The following VAV2 variants were observed in gnomAD, a reference collection of about 807,000 sequenced individuals.
VAV2 encodes vav guanine nucleotide exchange factor 2.
A neutral mutation model predicts 132.5 loss-of-function variants in VAV2; 67 were observed. The observed-to-expected ratio is 0.51, with a 90% CI of 0.42 to 0.62. The LOEUF (loss-of-function observed/expected upper bound fraction) is 0.62, where lower values mean the gene tolerates loss of function less well. Among genes scored for constraint, VAV2 ranks in the 20% least tolerant of loss-of-function variants. The pLI, the probability that VAV2 is intolerant of heterozygous loss-of-function variation, is 0.00. For missense variants in VAV2, 938 were observed against 1,153.6 expected (o/e 0.81, Z 2.71); for synonymous variants, 492 against 443.5 (o/e 1.11, Z -1.37).
intron 1 of VAV2, among the ~76,000 whole-genome samples, chr9:133,960,426 C>T (rs73556564): frequency 0.019 from 2,940 of 152,294 alleles, 92 homozygotes; most frequent in African/African-American, 0.061. Context: ...TGGAGCCTCA[C>T]TCCCTGCAGG....
intron 4 of VAV2, among the ~76,000 whole-genome samples, chr9:133,819,448 CAA>C (rs532943477): frequency 2.9e-5 from 4 of 136,370 alleles, no homozygotes; most frequent in East Asian, 2.1e-4. Flanking sequence ...GGCTCCGTCT[CAA>C]AAAAAAAAAA....
At chr9:133,916,227 T>C (rs561017310) in intron 2 of VAV2, among the ~76,000 whole-genome samples, 1 of 152,164 alleles carries the variant, frequency 6.6e-6, no homozygotes. Context: ...CAAGGCTCCA[T>C]GGAGGAGGCG....
chr9:133,982,621 C>T (rs1842733777), intron 1 of VAV2, among the ~76,000 whole-genome samples: 1 of 152,178 alleles, frequency 6.6e-6, no homozygotes, highest in South Asian at 2.1e-4. Context: ...TTTTGGAGGG[C>T]TGGCCGCTGT....
intron 1 of VAV2, among the ~76,000 whole-genome samples, chr9:133,942,890 G>A (rs754222246): frequency 6.6e-6 from 1 of 152,220 alleles, no homozygotes; most frequent in African/African-American, 2.4e-5. Flanking sequence ...GGGACTGCAC[G>A]GACGGGGATG....
At chr9:133,937,095 CTG>C (rs1408470402) in intron 2 of VAV2, among the ~76,000 whole-genome samples, 2 of 152,218 alleles carry the variant, frequency 1.3e-5, no homozygotes, top group Non-Finnish European at 2.9e-5. Flanking sequence ...TGCATTTTAA[CTG>C]TTGGCCAAGA....
intron 29 of VAV2, among the ~76,000 whole-genome samples, chr9:133,766,612 A>G (rs1456998383): frequency 3.3e-5 from 5 of 150,382 alleles, no homozygotes; most frequent in Non-Finnish European, 7.4e-5. Flanking sequence ...ATCACACTGG[A>G]GGGGGAGGGG....
intron 2 of VAV2, among the ~76,000 whole-genome samples, chr9:133,867,004 T>G (rs1837831125): frequency 6.6e-6 from 1 of 152,146 alleles, no homozygotes; most frequent in Non-Finnish European, 1.5e-5. Flanking sequence ...TCCCTGAGCC[T>G]GTTTCCTCAA....
chr9:133,967,037 A>AT (rs1296460031), intron 1 of VAV2, among the ~76,000 whole-genome samples: 1 of 141,990 alleles, frequency 7.0e-6, no homozygotes, highest in Non-Finnish European at 1.5e-5. Flanking sequence ...TTTGTCTCAA[A>AT]AAAAAAAAAA....
chr9:133,916,573 T>C (rs956856567), intron 2 of VAV2, among the ~76,000 whole-genome samples: 2 of 151,064 alleles, frequency 1.3e-5, no homozygotes, highest in East Asian at 1.9e-4. Flanking sequence ...ACTGGTGATA[T>C]GGATGGAGAA....
intron 9 of VAV2, among the ~76,000 whole-genome samples, chr9:133,805,454 C>T (rs1028574895): frequency 5.9e-5 from 9 of 152,158 alleles, no homozygotes; most frequent in African/African-American, 2.2e-4. Flanking sequence ...GAAACGCCAT[C>T]TCCCCAGCCT....
chr9:133,930,658 G>C (rs1305169382), intron 2 of VAV2, among the ~76,000 whole-genome samples: 1 of 152,260 alleles, frequency 6.6e-6, no homozygotes, highest in African/African-American at 2.4e-5. Flanking sequence ...GCACACGTGA[G>C]ATGCATCTTC....
intron 3 of VAV2, among the ~76,000 whole-genome samples, chr9:133,851,340 C>T (rs1370558085): frequency 1.3e-5 from 2 of 152,182 alleles, no homozygotes; most frequent in Non-Finnish European, 2.9e-5. Flanking sequence ...GCTTTTGGAC[C>T]CACTGTGTGC....
intron 12 of VAV2, among the ~76,000 whole-genome samples, chr9:133,793,285 G>A (rs1277295280): frequency 3.3e-5 from 5 of 151,886 alleles, no homozygotes; most frequent in Non-Finnish European, 7.4e-5. Context: ...CGAGAGCAGC[G>A]GGTGGAATTC....
chr9:133,911,564 C>T (rs1588356987), intron 2 of VAV2, among the ~76,000 whole-genome samples: 1 of 152,192 alleles, frequency 6.6e-6, no homozygotes, highest in African/African-American at 2.4e-5. Flanking sequence ...TATTCACCGG[C>T]CCCAAAATGT....
At chr9:133,820,732 C>T (rs556383256) in intron 4 of VAV2, among the ~76,000 whole-genome samples, 67 of 152,288 alleles carry the variant, frequency 4.4e-4, no homozygotes, top group African/African-American at 1.5e-3. Context: ...ACCTGAGGGC[C>T]ACAGCTGTCC....
In VAV2 at chr9:133,942,765, G is replaced by C. The variant is rs565162432; in HGVS notation, c.205-3546C>G. On this transcript the variant is annotated intron_variant, in intron 1 of 29. Coordinates refer to ENST00000371850, the MANE Select transcript of VAV2 (RefSeq NM_001134398.2). ...TGCTGTGCCTGGCCCGGCCCCACCC[G>C]TGGCCACTCTGGCCACCCTAACCTT... Among the ~76,000 whole-genome samples the C allele has an allele frequency of 3.9e-5, 6 of 152,132 alleles. No individual in the cohort carries two copies. The South Asian group carries it at 1.2e-3, about 32-fold the overall frequency.
intron 1 of VAV2, among the ~76,000 whole-genome samples, chr9:133,948,608 T>A (rs1841451006): frequency 6.6e-6 from 1 of 152,116 alleles, no homozygotes. Context: ...TCCACAGGAA[T>A]GACAGAAAGG....
intron 1 of VAV2, among the ~76,000 whole-genome samples, chr9:133,970,594 T>G (rs2492063): frequency 6.6e-6 from 1 of 151,922 alleles, no homozygotes. Flanking sequence ...GAGATGGAGG[T>G]GGCTCCTTCC....
chr9:133,860,948 G>T (rs1374887491), intron 3 of VAV2, among the ~76,000 whole-genome samples: 1 of 152,194 alleles, frequency 6.6e-6, no homozygotes, highest in Non-Finnish European at 1.5e-5. Context: ...GGCTTGTCCA[G>T]TGCCCTGCAC....
Sources: allele counts gnomAD v4.1 joint callset (sites outside exome capture counted in the v4.1 genomes callset), GRCh38; gene constraint gnomAD v4.1.1; transcripts MANE v1.5; gene names NCBI Gene and HGNC (gene_info 2026-07-23, HGNC 2026-07-21).